The following GLP2R variants were observed in gnomAD, a reference collection of about 807,000 sequenced individuals.
The protein encoded by GLP2R is glucagon-like peptide 2 receptor.
In GLP2R, 59 loss-of-function variants were observed where a neutral mutation model predicts 68.2. That is an observed-to-expected ratio of 0.87 (90% confidence interval 0.70 to 1.07). GLP2R has a LOEUF of 1.07. Ranked by LOEUF, GLP2R falls within the 50% of genes least tolerant of loss-of-function variation. GLP2R has a pLI of 0.00. For missense variants in GLP2R, 548 were observed against 677.4 expected, an observed-to-expected ratio of 0.81 and a Z score of 2.12; for synonymous variants, 270 against 265.4, an observed-to-expected ratio of 1.02 and a Z score of -0.17.
At chr17:9,854,356 A>T in intron 4 of GLP2R, 139 bp from the exon 5 acceptor site, 1 of 679,660 alleles carries the variant, frequency 1.5e-6, no homozygotes, top group South Asian at 1.7e-5. Flanking sequence ...TTTGGGTGTC[A>T]ACAAGGATGG....
At chr17:9,876,918 T>C (rs2067146584) in intron 10 of GLP2R, among the ~76,000 whole-genome samples, 1 of 152,276 alleles carries the variant, frequency 6.6e-6, no homozygotes, top group Non-Finnish European at 1.5e-5. Context: ...TACCATTTTT[T>C]CTGAGGGTTT....
intron 7 of GLP2R, 78 bp downstream of exon 7, chr17:9,860,179 T>A: frequency 7.4e-7 from 1 of 1,343,538 alleles, no homozygotes; most frequent in Non-Finnish European, 1.0e-6. Context: ...TTAGTTGGAC[T>A]TAGAAACCTA....
chr17:9,871,788 G>A (rs1199534458), intron 10 of GLP2R, among the ~76,000 whole-genome samples: 1 of 129,288 alleles, frequency 7.7e-6, no homozygotes, highest in East Asian at 2.3e-4. Context: ...GCAATGGCAT[G>A]ATCTCAGCTC....
At chr17:9,862,192 A>G in intron 9 of GLP2R, 102 bp downstream of exon 9, 1 of 820,816 alleles carries the variant, frequency 1.2e-6, no homozygotes, top group Non-Finnish European at 2.1e-6. Context: ...TGATCCCTTG[A>G]GAGAGAGAAG....
chr17:9,871,721 C>CTTTTTTTTTTGTTTTTT (rs2067095036), intron 10 of GLP2R, among the ~76,000 whole-genome samples: 1 of 102,312 alleles, frequency 9.8e-6, no homozygotes, highest in African/African-American at 4.0e-5. Context: ...TACTTTCTTT[C>CTTTTTTTTTTGTTTTTT]TTTTTTTTTT....
chr17:9,870,944 GA>G, intron 10 of GLP2R, 109 bp downstream of exon 10: 1 of 692,866 alleles, frequency 1.4e-6, no homozygotes, highest in South Asian at 1.7e-5. Context: ...CAGGGTATCA[GA>G]AAGAGCAGTT....
intron 4 of GLP2R, among the ~76,000 whole-genome samples, chr17:9,844,769 C>G (rs1200194404): frequency 7.3e-6 from 1 of 137,044 alleles, no homozygotes; most frequent in East Asian, 2.1e-4. Flanking sequence ...TGGCTCACTG[C>G]AACCTCTGCC....
At chr17:9,840,865 A>G (rs2066779834) in intron 3 of GLP2R, among the ~76,000 whole-genome samples, 1 of 151,886 alleles carries the variant, frequency 6.6e-6, no homozygotes, top group Non-Finnish European at 1.5e-5. Flanking sequence ...GAAGAGAAGT[A>G]GGCAGATGTG....
intron 11 of GLP2R, among the ~76,000 whole-genome samples, chr17:9,881,938 T>C (rs7208979): frequency 0.06 from 9,169 of 151,728 alleles, 933 homozygotes; most frequent in African/African-American, 0.21. Flanking sequence ...GCAGGACTTC[T>C]GAGATGATAA....
At chr17:9,856,163 C>CAACTTGTACACACTGATT (rs1338588491) in intron 5 of GLP2R, among the ~76,000 whole-genome samples, 1 of 152,148 alleles carries the variant, frequency 6.6e-6, no homozygotes, top group Admixed American at 6.5e-5. Context: ...GAGAACTCTG[C>CAACTTGTACACACTGATT]AACTTGTACA....
At chr17:9,833,699 GC>G in intron 1 of GLP2R, 107 bp from the exon 2 acceptor site, 1 of 674,096 alleles carries the variant, frequency 1.5e-6, no homozygotes. Flanking sequence ...TTTGCTGTGG[GC>G]CATTGTGGGC....
At chr17:9,858,269 A>T (rs2066952675) in intron 6 of GLP2R, among the ~76,000 whole-genome samples, 1 of 152,252 alleles carries the variant, frequency 6.6e-6, no homozygotes. Context: ...ATCTATTGAG[A>T]TAGTTTTTCC....
intron 9 of GLP2R, among the ~76,000 whole-genome samples, chr17:9,870,170 G>A (rs985451750): frequency 6.6e-6 from 1 of 152,230 alleles, no homozygotes; most frequent in Admixed American, 6.5e-5. Context: ...TTAATTACAG[G>A]CTTAATCACT....
chr17:9,870,636 C>T, intron 9 of GLP2R, 111 bp from the exon 10 acceptor site: 1 of 702,260 alleles, frequency 1.4e-6, no homozygotes, highest in South Asian at 1.7e-5. Flanking sequence ...CTGAATTGCC[C>T]CTGGTTTACA....
intron 12 of GLP2R, among the ~76,000 whole-genome samples, 162 bp from the exon 13 acceptor site, chr17:9,889,208 C>T (rs1393525935): frequency 6.6e-6 from 1 of 152,228 alleles, no homozygotes. Flanking sequence ...AGTGTCATCA[C>T]CACCAGACAT....
At chr17:9,857,646 G>C in intron 6 of GLP2R, 70 bp downstream of exon 6, 1 of 1,488,354 alleles carries the variant, frequency 6.7e-7, no homozygotes, top group Non-Finnish European at 9.3e-7. Flanking sequence ...TCAGAAGGCA[G>C]GCAGGTGGGA....
At chr17:9,853,126 C>G in intron 4 of GLP2R, 1 of 516,502 alleles carries the variant, frequency 1.9e-6, no homozygotes, top group Non-Finnish European at 3.6e-6. Context: ...ATTGTCTCTG[C>G]GTCAACAATG....
intron 9 of GLP2R, among the ~76,000 whole-genome samples, chr17:9,867,716 A>G (rs1482167235): frequency 6.6e-6 from 1 of 152,214 alleles, no homozygotes; most frequent in Non-Finnish European, 1.5e-5. Flanking sequence ...TGCAGTTAAC[A>G]GACCCGGTGA....
At chr17:9,888,114 G>A (rs781528286) in intron 12 of GLP2R, 141 bp downstream of exon 12, 5 of 769,436 alleles carry the variant, frequency 6.5e-6, no homozygotes, top group African/African-American at 1.7e-5. Context: ...TTTGTATTGT[G>A]AGCTTCCGGT....
Sources: gnomAD v4.1 joint callset for allele counts (sites outside exome capture counted in the v4.1 genomes callset) on GRCh38, gnomAD v4.1.1 for gene constraint, MANE v1.5 for transcripts, NCBI Gene and HGNC (gene_info 2026-07-23, HGNC 2026-07-21) for gene names.